PRRC1: variants seen among roughly 807,000 people sequenced by gnomAD.
The protein encoded by PRRC1 is protein PRRC1.
In PRRC1, 39 loss-of-function variants were observed where a neutral mutation model predicts 40.7. That is an observed-to-expected ratio of 0.96 (90% CI 0.74 to 1.25). The LOEUF is 1.25. PRRC1 is among the 50% of genes most tolerant of loss of function. PRRC1 has a pLI of 0.00. For missense variants in PRRC1, 573 were observed against 548.3 expected (o/e 1.05, Z -0.45); for synonymous variants, 175 against 193.3 (o/e 0.91, Z 0.79).
In PRRC1 at chr5:127,551,755, T is replaced by C. The variant is rs977177283; in HGVS notation, c.1177T>C (p.Leu393=). The change falls in exon 9 of 9, where the codon TTG becomes CTG. Residue 393 remains leucine (L), a synonymous_variant. Coordinates refer to ENST00000296666, the MANE Select transcript of PRRC1 (RefSeq NM_130809.5). ...CTATAATCTGAGGTGGTCAGGCCTT[T>C]TGGTGACAGTGGGTGAAGTCCTGGA... ...QDYNLRWSGL[L]VTVGEVLEKS... 1.9e-6 allele frequency: 3 copies of C among 1,614,132 alleles called. No homozygotes were observed. Among genetic ancestry groups the C allele is most frequent in the African/African-American group, 2.7e-5 (2 of 75,042 alleles).
chr5:127,547,999 T>C, intron 8 of PRRC1, 78 bp downstream of exon 8: 2 of 966,292 alleles, frequency 2.1e-6, no homozygotes, highest in Middle Eastern at 2.0e-4. Flanking sequence ...ATTTGTTCGG[T>C]TTTTTTGTTA....
chr5:127,540,283 A>G (rs1768006355), intron 7 of PRRC1, among the ~76,000 whole-genome samples: 1 of 152,138 alleles, frequency 6.6e-6, no homozygotes, highest in Admixed American at 6.5e-5. Flanking sequence ...AGAAATTACA[A>G]TATGCCTTTT....
intron 2 of PRRC1, among the ~76,000 whole-genome samples, chr5:127,524,290 C>G (rs1055485828): frequency 4.0e-5 from 6 of 151,830 alleles, no homozygotes; most frequent in Non-Finnish European, 8.8e-5. Context: ...CAAAACAAAC[C>G]AAAAAGCAAA....
At position 127,539,156 on chromosome 5, in the gene PRRC1, T is replaced by A. The variant is rs763221010; in HGVS notation, c.1025+13T>A. The A allele has an allele frequency of 2.5e-6, 4 of 1,600,224 alleles. No individual in the cohort carries two copies. Among genetic ancestry groups the A allele is most frequent in the Non-Finnish European group, 3.4e-6 (4 of 1,168,392 alleles). ...TGCTGCCTGACAAGTAAGTGTATTATGTTTCTCTTGGAAGCAAAATATAAT... is the reference window on the plus strand; with the variant it reads ...TGCTGCCTGACAAGTAAGTGTATTAAGTTTCTCTTGGAAGCAAAATATAAT... On this transcript the variant is annotated intron_variant, in intron 7 of 8. Transcript: ENST00000296666.
In PRRC1 at chr5:127,552,228, T is replaced by C; in HGVS notation, c.*312T>C. 1 of 1,097,926 alleles carries C rather than the reference T, an allele frequency of 9.1e-7. No homozygotes were observed. The highest frequency in any genetic ancestry group is 1.6e-5 in the African/African-American group (1 of 61,204). 68.0% of individuals were successfully genotyped at this position (1,097,926 alleles called of 1,614,324 possible). A position where few individuals can be genotyped will look rare whatever the true frequency, so the allele number is the denominator to read the frequency against. ...AATTCATGTGCAGAGACATTTAACTTAATGCCATGTACTTGATTATTTTGT... is the reference window on the plus strand; with the variant it reads ...AATTCATGTGCAGAGACATTTAACTCAATGCCATGTACTTGATTATTTTGT... On this transcript the variant is annotated 3_prime_UTR_variant, in exon 9 of 9. Transcript: ENST00000296666.
chr5:127,553,307 A>T lies in PRRC1; in HGVS notation c.*1391A>T. On this transcript the variant is annotated 3_prime_UTR_variant, in exon 9 of 9. Transcript: ENST00000296666. ...TTCTGCTATTTTTTTACCTGAGGATAAGAAGAATGAATATTAAATTTGAAT... is the reference window on the plus strand; with the variant it reads ...TTCTGCTATTTTTTTACCTGAGGATTAGAAGAATGAATATTAAATTTGAAT... 1.0e-6 allele frequency: 1 copy of T among 985,578 alleles called. No individual in the cohort carries two copies. The highest frequency in any genetic ancestry group is 1.2e-6 in the Non-Finnish European group (1 of 829,912). 61.1% of individuals were successfully genotyped at this position (985,578 alleles called of 1,614,324 possible). A position where few individuals can be genotyped will look rare whatever the true frequency, so the allele number is the denominator to read the frequency against.
chr5:127,549,683 A>G (rs1417755681), intron 8 of PRRC1: 1 of 152,206 alleles, frequency 6.6e-6, no homozygotes, highest in African/African-American at 2.4e-5. Context: ...GTCAGCAAAC[A>G]GTGGCTCACA....
Position 127,551,816 on chromosome 5 carries a change from A to G in PRRC1, c.1238A>G (p.His413Arg). ...SLLNVSRTDW[H>R]MAFTGMSRRQ... The stretch of plus-strand genomic sequence containing the variant: ...CTGAATGTCAGCCGGACTGATTGGC[A>G]CATGGCATTTACTGGGATGTCCCGT... The change falls in exon 9 of 9, where the codon CAC becomes CGC. Residue 413 changes from histidine to arginine, a missense_variant. Coordinates refer to ENST00000296666, the MANE Select transcript of PRRC1 (RefSeq NM_130809.5). 1 of 1,614,128 alleles carries G rather than the reference A, an allele frequency of 6.2e-7. No individual in the cohort carries two copies. Among genetic ancestry groups the G allele is most frequent in the Non-Finnish European group, 8.5e-7 (1 of 1,179,986 alleles).
At chr5:127,523,714 G>A (rs31187) in intron 2 of PRRC1, 132 bp downstream of exon 2, 151,996 of 472,010 alleles carry the variant, frequency 0.32, 25,616 homozygotes, top group East Asian at 0.51. Flanking sequence ...AAAGGAAATA[G>A]CCTTTTTAAT....
In PRRC1 at chr5:127,524,533, G is replaced by T; in HGVS notation, c.106G>T (p.Ala36Ser). 1 of 1,585,916 alleles carries T rather than the reference G, an allele frequency of 6.3e-7. No individual in the cohort carries two copies. Among genetic ancestry groups the T allele is most frequent in the Non-Finnish European group, 8.6e-7 (1 of 1,164,366 alleles). Residue 36 changes from alanine (A) to serine (S), a missense_variant and splice_region_variant, in exon 3 of 9, where the codon GCA (alanine) becomes TCA (serine). Transcript: ENST00000296666. ...AMSSTPVPLA[A>S]TSSFSSPNVS... ...TTATCCTCTCCACTTTTTTCTAGCG[G>T]CAACCAGTTCTTTTTCTTCTCCAAA...
chr5:127,521,597 G>A (rs375838590), intron 1 of PRRC1, among the ~76,000 whole-genome samples: 16 of 152,052 alleles, frequency 1.1e-4, no homozygotes, highest in Admixed American at 2.0e-4. Flanking sequence ...ATTTATGTTC[G>A]AGTGCTATTT....
chr5:127,554,535 G>C lies in PRRC1; in HGVS notation c.*2619G>C, dbSNP rs1004364637. The C allele has an allele frequency of 1.3e-5, 2 of 152,156 alleles. No homozygotes were observed. Among genetic ancestry groups the C allele is most frequent in the Non-Finnish European group, 2.9e-5 (2 of 68,006 alleles). The allele number at this position is 152,156 out of a possible 1,614,324, so 9.4% of individuals were successfully genotyped here. A position where few individuals can be genotyped will look rare whatever the true frequency, so the allele number is the denominator to read the frequency against. ...TCAACCTCAGTTGACAAGGTGCTCA[G>C]ATTATTCAATTCGGGATCCTCCTTT... On this transcript the variant is annotated 3_prime_UTR_variant, in exon 9 of 9. Transcript: ENST00000296666.
rs935762658 is a variant in PRRC1 at position 127,539,056 on chromosome 5, T to G, written c.938T>G (p.Ile313Arg). ...AAGLKGAQER[I>R]DSLRRTGVIH... is the part of the protein sequence containing the mutation. ...GTTGTTTAGGGTGCTCAGGAACGGA[T>G]AGATAGCTTGCGTCGAACTGGGGTG... The change falls in exon 7 of 9, where the codon ATA becomes AGA. Residue 313 changes from isoleucine to arginine, a missense_variant. Physicochemically the swap from Ile to Arg is moderately conservative, Grantham distance 97. Coordinates refer to ENST00000296666, the MANE Select transcript of PRRC1 (RefSeq NM_130809.5). 3 of 1,612,824 alleles carry G rather than the reference T, an allele frequency of 1.9e-6. No homozygotes were observed. The highest frequency in any genetic ancestry group is 2.5e-6 in the Non-Finnish European group (3 of 1,178,946).
intron 8 of PRRC1, chr5:127,549,660 C>CTGTA (rs1400460631): frequency 1.3e-5 from 2 of 152,130 alleles, no homozygotes; most frequent in Non-Finnish European, 2.9e-5. Context: ...GTTAACATTG[C>CTGTA]TGTAGATCTG....
At chr5:127,525,717 T>G (rs974599565) in intron 3 of PRRC1, among the ~76,000 whole-genome samples, 2 of 152,200 alleles carry the variant, frequency 1.3e-5, no homozygotes, top group African/African-American at 4.8e-5. Flanking sequence ...CCATTTAAAT[T>G]ATTAAAATAA....
intron 7 of PRRC1, among the ~76,000 whole-genome samples, chr5:127,542,903 T>C (rs145278740): frequency 0.019 from 2,960 of 152,302 alleles, 103 homozygotes; most frequent in African/African-American, 0.068. Flanking sequence ...ATGTGTGAAT[T>C]TGATCCCATC....
intron 8 of PRRC1, chr5:127,551,068 T>C (rs1303023844): frequency 6.5e-6 from 1 of 154,378 alleles, no homozygotes; most frequent in African/African-American, 2.4e-5. Context: ...CCGTTCTAGA[T>C]GTGGCTATAC....
rs1424586806 is a variant in PRRC1, at chr5:127,539,022, T to C, written c.922-18T>C. 1 of 1,593,460 alleles carries C rather than the reference T, an allele frequency of 6.3e-7. No individual in the cohort carries two copies. Among genetic ancestry groups the C allele is most frequent in the Non-Finnish European group, 8.6e-7 (1 of 1,162,468 alleles). ...TAATAATTTGAAATGGTCTCTAACC[T>C]CTGCCATTGTTGTTTAGGGTGCTCA... On this transcript the variant is annotated intron_variant, in intron 6 of 8. Transcript: ENST00000296666.
In PRRC1 at chr5:127,530,297, G is replaced by A; in HGVS notation, c.658G>A (p.Val220Met). 6.2e-7 allele frequency: 1 copy of A among 1,613,196 alleles called. No individual in the cohort carries two copies. Among genetic ancestry groups the A allele is most frequent in the Non-Finnish European group, 8.5e-7 (1 of 1,179,336 alleles). Reference sequence around the variant, plus strand: ...CATATTGATTTGTTTTATGCAGGGTGTGGCTGGGAATCCTATGGTGAAGTC... The same window carrying A: ...CATATTGATTTGTTTTATGCAGGGTATGGCTGGGAATCCTATGGTGAAGTC... ...AGGIWGFIKG[V>M]AGNPMVKSVL... The change falls in exon 5 of 9, where the codon GTG becomes ATG. Residue 220 changes from valine to methionine, a missense_variant. Val to Met is a conservative substitution (Grantham distance 21). Transcript: ENST00000296666.
Sources: gnomAD v4.1 joint callset for allele counts (sites outside exome capture counted in the v4.1 genomes callset) on GRCh38, gnomAD v4.1.1 for gene constraint, MANE v1.5 for transcripts, NCBI Gene and HGNC (gene_info 2026-07-23, HGNC 2026-07-21) for gene names.